The following PTPRM variants were observed in gnomAD, a reference collection of about 807,000 sequenced individuals.
PTPRM encodes receptor-type tyrosine-protein phosphatase mu.
A neutral mutation model predicts 186.7 loss-of-function variants in PTPRM; 47 were observed. The ratio of observed to expected loss-of-function variants is 0.25; its 90% CI spans 0.20 to 0.32. The LOEUF is 0.32. Among genes scored for constraint, PTPRM ranks in the 10% least tolerant of loss-of-function variants. The pLI is 1.00. For missense variants in PTPRM, 1,494 were observed against 1,865.0 expected (o/e 0.80, Z 3.66); for synonymous variants, 668 against 674.9 (o/e 0.99, Z 0.16).
chr18:8,285,315 G>A (rs2094944563), intron 19 of PTPRM, among the ~76,000 whole-genome samples: 1 of 152,170 alleles, frequency 6.6e-6, no homozygotes, highest in Admixed American at 6.5e-5. Flanking sequence ...TCAGAGCTGG[G>A]ATTTAAGCCC....
At chr18:7,650,340 A>G (rs767240561) in intron 1 of PTPRM, among the ~76,000 whole-genome samples, 25 of 151,728 alleles carry the variant, frequency 1.6e-4, no homozygotes, top group Non-Finnish European at 2.1e-4. Flanking sequence ...CAAATAATTT[A>G]CTATGTCTGA....
At chr18:8,033,591 T>C (rs866421827) in intron 7 of PTPRM, among the ~76,000 whole-genome samples, 3 of 152,200 alleles carry the variant, frequency 2.0e-5, no homozygotes, top group Non-Finnish European at 4.4e-5. Context: ...TGGTATCTAT[T>C]TGTGTAGAAA....
At chr18:8,200,442 G>A (rs1314501056) in intron 14 of PTPRM, among the ~76,000 whole-genome samples, 1 of 152,240 alleles carries the variant, frequency 6.6e-6, no homozygotes, top group Non-Finnish European at 1.5e-5. Flanking sequence ...TTACGCATTT[G>A]ACTTGATTTC....
intron 7 of PTPRM, among the ~76,000 whole-genome samples, chr18:8,025,916 C>A (rs750035575): frequency 6.6e-6 from 1 of 152,136 alleles, no homozygotes; most frequent in Non-Finnish European, 1.5e-5. Context: ...CAGGTAAACA[C>A]CTGTGTCAGA....
chr18:7,654,670 C>T (rs2038806778), intron 1 of PTPRM, among the ~76,000 whole-genome samples: 1 of 152,182 alleles, frequency 6.6e-6, no homozygotes, highest in Admixed American at 6.5e-5. Flanking sequence ...CTGCATATGG[C>T]TAGTCAGTTA....
In PTPRM at chr18:8,247,924, C is replaced by T; in HGVS notation, c.2527+5C>T. On this transcript the variant is annotated splice_donor_5th_base_variant and intron_variant, in intron 16 of 32. Transcript: ENST00000580170. Reference sequence around the variant, plus strand: ...TGCCTAATTCCTATTACCCAGGTAACAGTTTTTTCCATTGTCTCCTCTCTG... The same window carrying T: ...TGCCTAATTCCTATTACCCAGGTAATAGTTTTTTCCATTGTCTCCTCTCTG... 1 of 1,568,818 alleles carries T rather than the reference C, an allele frequency of 6.4e-7. No individual in the cohort carries two copies. The highest frequency in any genetic ancestry group is 8.8e-7 in the Non-Finnish European group (1 of 1,138,756).
At chr18:7,986,842 T>A (rs1320049910) in intron 7 of PTPRM, among the ~76,000 whole-genome samples, 1 of 152,126 alleles carries the variant, frequency 6.6e-6, no homozygotes, top group Non-Finnish European at 1.5e-5. Context: ...AGAGGATAAT[T>A]AACTTAAAAT....
At chr18:7,930,621 A>G (rs1174298976) in intron 5 of PTPRM, among the ~76,000 whole-genome samples, 1 of 152,168 alleles carries the variant, frequency 6.6e-6, no homozygotes, top group Non-Finnish European at 1.5e-5. Context: ...TGGAAGGTAG[A>G]TGAATAGGCA....
At chr18:8,305,464 ACT>A (rs1243342996) in intron 20 of PTPRM, among the ~76,000 whole-genome samples, 3 of 152,036 alleles carry the variant, frequency 2.0e-5, no homozygotes, top group African/African-American at 7.2e-5. Flanking sequence ...TCCTCACAAA[ACT>A]CTATAATATA....
intron 1 of PTPRM, among the ~76,000 whole-genome samples, chr18:7,728,302 T>C (rs1443354276): frequency 6.6e-6 from 1 of 152,206 alleles, no homozygotes; most frequent in African/African-American, 2.4e-5. Context: ...CCAGAAAGAA[T>C]TAAGCACATG....
chr18:8,288,624 C>T (rs1162629475), intron 19 of PTPRM, among the ~76,000 whole-genome samples: 1 of 152,228 alleles, frequency 6.6e-6, no homozygotes, highest in Non-Finnish European at 1.5e-5. Flanking sequence ...CGTGAACACT[C>T]CGCAGTTACT....
chr18:7,960,480 T>TATATATATATACACACAC (rs1300573371), intron 7 of PTPRM, among the ~76,000 whole-genome samples: 14 of 86,588 alleles, frequency 1.6e-4, no homozygotes, highest in African/African-American at 6.1e-4. Context: ...TATATATATA[T>TATATATATATACACACAC]ACACACACAC....
intron 3 of PTPRM, among the ~76,000 whole-genome samples, chr18:7,889,325 T>TTTTC (rs200337625): frequency 0.095 from 12,344 of 129,488 alleles, 966 homozygotes; most frequent in East Asian, 0.22. Flanking sequence ...ATATATTTTC[T>TTTTC]TTTCTTTCTT....
intron 14 of PTPRM, among the ~76,000 whole-genome samples, chr18:8,144,081 A>G (rs2146126952): frequency 6.6e-6 from 1 of 152,328 alleles, no homozygotes; most frequent in East Asian, 1.9e-4. Flanking sequence ...TTCACCAGGA[A>G]ATGTTTAGTA....
intron 19 of PTPRM, among the ~76,000 whole-genome samples, chr18:8,276,024 C>A (rs764917477): frequency 6.6e-6 from 1 of 152,028 alleles, no homozygotes; most frequent in Non-Finnish European, 1.5e-5. Flanking sequence ...CTCAATTCCA[C>A]GCCACTGTCT....
intron 14 of PTPRM, among the ~76,000 whole-genome samples, chr18:8,186,965 G>C (rs1277321863): frequency 1.3e-5 from 2 of 150,326 alleles, no homozygotes; most frequent in African/African-American, 4.9e-5. Context: ...TTTTGAGACA[G>C]AGTCTCGCTC....
At chr18:8,398,096 T>G (rs981541142) in intron 32 of PTPRM, among the ~76,000 whole-genome samples, 1 of 152,132 alleles carries the variant, frequency 6.6e-6, no homozygotes. Context: ...CCTCAGCCTC[T>G]CAAGTAGCTG....
At chr18:7,977,530 G>T (rs2055036902) in intron 7 of PTPRM, among the ~76,000 whole-genome samples, 1 of 152,128 alleles carries the variant, frequency 6.6e-6, no homozygotes. Flanking sequence ...TCTCTCTGGA[G>T]CACTGGATGA....
chr18:7,882,547 C>A (rs200850107), intron 2 of PTPRM, among the ~76,000 whole-genome samples: 1 of 152,036 alleles, frequency 6.6e-6, no homozygotes. Context: ...AAGAAAAAGG[C>A]AAAACAGCCA....
Sources: allele counts gnomAD v4.1 joint callset (sites outside exome capture counted in the v4.1 genomes callset), GRCh38; gene constraint gnomAD v4.1.1; transcripts MANE v1.5; gene names NCBI Gene and HGNC (gene_info 2026-07-23, HGNC 2026-07-21).